MYRIP: variants seen among roughly 807,000 people sequenced by gnomAD.
MYRIP encodes rab effector MyRIP.
Under a neutral mutation model 98.0 loss-of-function variants are expected in MYRIP, and 49 were observed. That is an observed-to-expected ratio of 0.50 (90% CI 0.40 to 0.63). The LOEUF (loss-of-function observed/expected upper bound fraction) is 0.63. Ranked by LOEUF, MYRIP falls within the 30% of genes least tolerant of loss-of-function variation. The pLI is 0.00. For missense variants in MYRIP, 1,004 were observed against 1,058.2 expected (o/e 0.95, Z 0.71); for synonymous variants, 404 against 409.5 (o/e 0.99, Z 0.16).
intron 2 of MYRIP, among the ~76,000 whole-genome samples, chr3:39,903,878 A>C (rs992989217): frequency 7.2e-5 from 11 of 152,198 alleles, no homozygotes; most frequent in African/African-American, 2.4e-4. Context: ...CTCCCTCCTT[A>C]AAATAATTCC....
chr3:40,155,184 T>C (rs1403766585), intron 4 of MYRIP, among the ~76,000 whole-genome samples: 1 of 136,424 alleles, frequency 7.3e-6, no homozygotes, highest in Non-Finnish European at 1.5e-5. Context: ...ATGTTCCCCT[T>C]CCTGTGTCCA....
intron 2 of MYRIP, among the ~76,000 whole-genome samples, chr3:39,908,256 C>T (rs1943929957): frequency 1.3e-5 from 2 of 152,154 alleles, no homozygotes; most frequent in African/African-American, 4.8e-5. Flanking sequence ...GTGTCTTTCC[C>T]AGGCGCAGCT....
intron 12 of MYRIP, among the ~76,000 whole-genome samples, chr3:40,243,668 G>C (rs1439454586): frequency 6.6e-6 from 1 of 152,066 alleles, no homozygotes; most frequent in Non-Finnish European, 1.5e-5. Context: ...TGATTAGGAT[G>C]GGGGGGTATT....
chr3:40,023,293 C>T (rs1402603024), intron 2 of MYRIP, among the ~76,000 whole-genome samples: 3 of 152,142 alleles, frequency 2.0e-5, no homozygotes, highest in Admixed American at 2.0e-4. Context: ...GTCAGGGTTC[C>T]ATCAAGAAAA....
At chr3:39,864,766 CA>C (rs1207876685) in intron 1 of MYRIP, among the ~76,000 whole-genome samples, 1 of 152,116 alleles carries the variant, frequency 6.6e-6, no homozygotes, top group East Asian at 1.9e-4. Flanking sequence ...ATCAAACTAC[CA>C]ATGACATTCT....
chr3:39,978,027 C>A (rs1402898967), intron 2 of MYRIP, among the ~76,000 whole-genome samples: 2 of 152,000 alleles, frequency 1.3e-5, no homozygotes, highest in African/African-American at 4.8e-5. Flanking sequence ...AAAAGACTTT[C>A]CAACCCTCAT....
chr3:39,882,592 A>AAAG (rs1490924162), intron 1 of MYRIP, among the ~76,000 whole-genome samples: 1 of 152,150 alleles, frequency 6.6e-6, no homozygotes, highest in East Asian at 1.9e-4. Context: ...GGCTAAGAGC[A>AAAG]TGGTCTTTGG....
intron 1 of MYRIP, among the ~76,000 whole-genome samples, chr3:39,841,896 C>G (rs774791533): frequency 2.0e-5 from 3 of 152,170 alleles, no homozygotes; most frequent in Non-Finnish European, 4.4e-5. Context: ...TCTGTCAACC[C>G]CTGCTGGGAG....
At chr3:40,253,600 A>AGTC (rs1290287525) in intron 16 of MYRIP, among the ~76,000 whole-genome samples, 1 of 152,222 alleles carries the variant, frequency 6.6e-6, no homozygotes, top group Non-Finnish European at 1.5e-5. Context: ...AGATCGCACT[A>AGTC]GTCTTAGTGA....
chr3:40,252,074 G>GA, intron 16 of MYRIP, 75 bp downstream of exon 16: 1 of 1,161,222 alleles, frequency 8.6e-7, no homozygotes, highest in Non-Finnish European at 1.3e-6. Flanking sequence ...CTTTCCTTCT[G>GA]TAGCTCCCGC....
At chr3:39,980,719 A>G (rs1157437804) in intron 2 of MYRIP, among the ~76,000 whole-genome samples, 3 of 152,186 alleles carry the variant, frequency 2.0e-5, no homozygotes, top group African/African-American at 4.8e-5. Flanking sequence ...TACCTTTTCT[A>G]TTTAAACAGC....
intron 2 of MYRIP, among the ~76,000 whole-genome samples, chr3:39,999,155 A>G (rs1946449773): frequency 6.6e-6 from 1 of 152,242 alleles, no homozygotes; most frequent in African/African-American, 2.4e-5. Context: ...AAGCAATGGC[A>G]ACAAAAGCCA....
chr3:40,201,493 T>TA (rs926748255), intron 10 of MYRIP, among the ~76,000 whole-genome samples: 22 of 152,116 alleles, frequency 1.4e-4, no homozygotes, highest in African/African-American at 3.1e-4. Context: ...TAATAAAAGC[T>TA]AAAAAAATAA....
chr3:40,204,728 T>C (rs1274223993), intron 10 of MYRIP, among the ~76,000 whole-genome samples: 4 of 152,152 alleles, frequency 2.6e-5, no homozygotes, highest in Non-Finnish European at 5.9e-5. Context: ...GGAGAGCATA[T>C]TGGGGAGCTT....
intron 3 of MYRIP, among the ~76,000 whole-genome samples, chr3:40,071,381 G>A (rs1404263742): frequency 6.6e-6 from 1 of 152,160 alleles, no homozygotes; most frequent in East Asian, 1.9e-4. Context: ...GGGAGATGAG[G>A]AAATGCAGTC....
At chr3:40,082,280 A>G (rs1948494637) in intron 3 of MYRIP, among the ~76,000 whole-genome samples, 1 of 152,234 alleles carries the variant, frequency 6.6e-6, no homozygotes, top group African/African-American at 2.4e-5. Context: ...AGTGTATCAA[A>G]GAGATAAATG....
In MYRIP at chr3:40,189,716, C is replaced by G; in HGVS notation, c.1028-110C>G. ...TTCCTGGGCTTCCTAAAGGCAACTG[C>G]TCTCCAACAGCCCCACAAGCCACTC... On this transcript the variant is annotated intron_variant, in intron 9 of 16. Coordinates refer to ENST00000302541, the MANE Select transcript of MYRIP (RefSeq NM_015460.4). 6.6e-6 allele frequency: 8 copies of G among 1,204,286 alleles called. No individual in the cohort carries two copies. In the South Asian group the frequency reaches 1.2e-4, roughly 18 times the overall value. 74.6% of individuals were successfully genotyped at this position (1,204,286 alleles called of 1,614,324 possible). A position where few individuals can be genotyped will look rare whatever the true frequency, so the allele number is the denominator to read the frequency against.
At chr3:39,812,962 G>A (rs1940749109) in intron 1 of MYRIP, among the ~76,000 whole-genome samples, 1 of 152,210 alleles carries the variant, frequency 6.6e-6, no homozygotes, top group South Asian at 2.1e-4. Context: ...GCCGTGGGAT[G>A]GGGGCAGGTG....
rs1284181879 is a variant in MYRIP, at chr3:39,830,105, CTT to C, written c.-31+20191_-31+20192del. Among the ~76,000 whole-genome samples the C allele has an allele frequency of 2.0e-5, 3 of 152,188 alleles. No individual in the cohort carries two copies. In the East Asian group the frequency reaches 5.8e-4, roughly 29 times the overall value. On this transcript the variant is annotated intron_variant, in intron 1 of 16. Coordinates refer to ENST00000302541, the MANE Select transcript of MYRIP (RefSeq NM_015460.4). ...CAACTCTAAAAGTTCCTCAGTGTCT[CTT>C]TCAGTCTCTAACCCCAGTTGCTTGA...
Sources: gnomAD v4.1 joint callset for allele counts (sites outside exome capture counted in the v4.1 genomes callset) on GRCh38, gnomAD v4.1.1 for gene constraint, MANE v1.5 for transcripts, NCBI Gene and HGNC (gene_info 2026-07-23, HGNC 2026-07-21) for gene names.